LIME1: variants seen among roughly 807,000 people sequenced by gnomAD.
LIME1 encodes the protein lck-interacting transmembrane adapter 1.
A neutral mutation model predicts 18.8 loss-of-function variants in LIME1; 23 were observed. The observed-to-expected ratio is 1.22, with a 90% CI of 0.88 to 1.73. The LOEUF (loss-of-function observed/expected upper bound fraction) is 1.73, where lower values mean the gene tolerates loss of function less well. Ranked by LOEUF, LIME1 falls within the 40% of genes most tolerant of loss-of-function variation. LIME1 has a pLI of 0.00. For synonymous variants in LIME1, 177 were observed against 182.3 expected (o/e 0.97, Z 0.23); for missense variants, 423 against 396.8 (o/e 1.07, Z -0.56).
At chr20:63,735,810 A>T (rs759183936), upstream of LIME1, 1 of 1,611,120 alleles carries the variant, frequency 6.2e-7, no homozygotes, top group South Asian at 1.1e-5. Context: ...CAGCTGCAGG[A>T]GAAGCTGGCA....
At chr20:63,735,719 C>G (rs796446334), upstream of LIME1, 35 of 1,551,702 alleles carry the variant, frequency 2.3e-5, no homozygotes, top group African/African-American at 4.4e-4. Context: ...GCAGTGGGTA[C>G]GGCAGACTGG....
chr20:63,738,355 C>G lies in LIME1; in HGVS notation c.441C>G (p.Asn147Lys), dbSNP rs1299711053. The stretch of plus-strand genomic sequence containing the variant: ...CTGGCCTCGAGGCCACCTATTCCAA[C>G]GTGGGGCTGGCGGCCCTTCCCGGGG... ...GCAGLEATYS[N>K]VGLAALPGVS... The change falls in exon 5 of 6, where the codon AAC becomes AAG. Residue 147 changes from asparagine to lysine, a missense_variant. Asn to Lys is a moderately conservative substitution (Grantham distance 94). Transcript: ENST00000309546. 1 of 1,556,794 alleles carries G rather than the reference C, an allele frequency of 6.4e-7. No homozygotes were observed. Among genetic ancestry groups the G allele is most frequent in the South Asian group, 1.2e-5 (1 of 85,128 alleles).
intron 1 of LIME1, 183 bp downstream of exon 1, chr20:63,736,895 C>A: frequency 1.0e-6 from 1 of 986,032 alleles, no homozygotes; most frequent in Non-Finnish European, 1.2e-6. Flanking sequence ...TGTAAGGCAT[C>A]CCCCACCCCG....
At chr20:63,737,787 A>AGGCCCC in intron 2 of LIME1, 34 bp from the exon 3 acceptor site, 6 of 1,322,732 alleles carry the variant, frequency 4.5e-6, no homozygotes, top group Non-Finnish European at 6.0e-6. Context: ...GAGGCTGACG[A>AGGCCCC]CCCCGCCCCC....
In LIME1 at chr20:63,738,726, C is replaced by T. The variant is rs1316517380; in HGVS notation, c.714C>T (p.Leu238=). 1 of 1,613,022 alleles carries T rather than the reference C, an allele frequency of 6.2e-7. No individual in the cohort carries two copies. The highest frequency in any genetic ancestry group is 1.1e-5 in the South Asian group (1 of 91,084). Residue 238 remains leucine (L), a synonymous_variant, in exon 6 of 6, where the codon CTC becomes CTT. Coordinates refer to ENST00000309546, the MANE Select transcript of LIME1 (RefSeq NM_017806.4). The stretch of plus-strand genomic sequence containing the variant: ...CGGGTGACCTGGCCTACCAGACCCT[C>T]CCGCTCAGGGCCCTGGATGTGGACA... The part of the protein sequence containing the change: ...ALAGDLAYQT[L]PLRALDVDSG...
chr20:63,738,520 G>T, intron 5 of LIME1, 21 bp downstream of exon 5: 1 of 1,509,740 alleles, frequency 6.6e-7, no homozygotes, highest in Non-Finnish European at 8.8e-7. Flanking sequence ...CCAGGGTAGG[G>T]CGCTGTGGGT....
chr20:63,735,983 G>C (rs1443931028), upstream of LIME1: 7 of 1,563,164 alleles, frequency 4.5e-6, no homozygotes, highest in South Asian at 8.4e-5. Flanking sequence ...AGGAAGACCA[G>C]TGTTGCCCGA....
Position 63,738,037 on chromosome 20 carries a change from A to C in LIME1, c.245A>C (p.His82Pro). Residue 82 changes from histidine (H) to proline (P), a missense_variant, in exon 4 of 6, where the codon CAC becomes CCC. Physicochemically the swap from His to Pro is moderately conservative, Grantham distance 77 (BLOSUM62 -2). Transcript: ENST00000309546. ...TCGGACACCAGACTGCACGAGCTGCACCGGGGCCCGCGCAGCAGCAGGGGT... is the reference window on the plus strand; with the variant it reads ...TCGGACACCAGACTGCACGAGCTGCCCCGGGGCCCGCGCAGCAGCAGGGGT... The part of the protein sequence containing the change: ...SKSDTRLHEL[H>P]RGPRSSRALR... The C allele has an allele frequency of 3.9e-6, 6 of 1,536,836 alleles. No individual in the cohort carries two copies. The South Asian group carries it at 4.7e-5, about 12-fold the overall frequency.
Position 63,737,554 on chromosome 20 carries a change from G to A in LIME1, c.5G>A (p.Gly2Glu). 1 of 1,581,098 alleles carries A rather than the reference G, an allele frequency of 6.3e-7. No individual in the cohort carries two copies. Among genetic ancestry groups the A allele is most frequent in the Non-Finnish European group, 8.6e-7 (1 of 1,166,404 alleles). Residue 2 changes from glycine to glutamate, a missense_variant, in exon 2 of 6, where the codon GGG becomes GAG. Transcript: ENST00000309546. ...CCAGGGCCTCGGCTTCACAGGATGG[G>A]GCTGCCAGTGTCCTGGGCCCCTCCT... M[G>E]LPVSWAPPAL...
At chr20:63,736,011 G>C (rs6011070), upstream of LIME1, 6,748 of 1,530,846 alleles carry the variant, frequency 4.4e-3, 255 homozygotes, top group African/African-American at 0.082. Context: ...CCGGCCTGCT[G>C]GCCTGGGGCG....
upstream of LIME1, chr20:63,735,946 C>T (rs374505548): frequency 8.8e-6 from 14 of 1,594,666 alleles, no homozygotes; most frequent in Non-Finnish European, 1.1e-5. Flanking sequence ...ATGGACGAAG[C>T]GTGGGACCCC....
intron 4 of LIME1, 56 bp from the exon 5 acceptor site, chr20:63,738,127 C>A: frequency 1.3e-6 from 2 of 1,525,216 alleles, no homozygotes; most frequent in Non-Finnish European, 1.8e-6. Context: ...AACCCCTGGG[C>A]CAGACCCGCT....
upstream of LIME1, chr20:63,735,904 G>T (rs144346262): frequency 4.8e-4 from 768 of 1,612,526 alleles, 4 homozygotes; most frequent in Non-Finnish European, 1.0e-4. Flanking sequence ...CCCACAAGAA[G>T]ATGACTGAGT....
chr20:63,737,773 A>C, intron 2 of LIME1, 48 bp from the exon 3 acceptor site: 1 of 1,422,052 alleles, frequency 7.0e-7, no homozygotes, highest in East Asian at 2.6e-5. Flanking sequence ...CGGGCCTTGG[A>C]CCCGAGGCTG....
At position 63,738,499 on chromosome 20, in the gene LIME1, GGTAAC is replaced by G; in HGVS notation, c.585+3_585+7del. The G allele has an allele frequency of 8.6e-6, 13 of 1,514,092 alleles. No homozygotes were observed. Among genetic ancestry groups the G allele is most frequent in the Non-Finnish European group, 1.1e-5 (13 of 1,131,608 alleles). The allele number at this position is 1,514,092 out of a possible 1,614,324, so 93.8% of individuals were successfully genotyped here. On this transcript the variant is annotated splice_donor_variant and splice_donor_5th_base_variant and intron_variant, in intron 5 of 5. Transcript: ENST00000309546. LOFTEE classifies it high-confidence loss of function. ...AGACTGAGGTGACCCCGGCCGCTCA[GGTAAC>G]GTGGGCCAGGGTAGGGCGCTGTGGG... is the stretch of plus-strand genomic sequence containing the variant.
At chr20:63,736,002 C>T (rs2091986739), upstream of LIME1, 9 of 1,543,710 alleles carry the variant, frequency 5.8e-6, no homozygotes, top group East Asian at 6.8e-5. Context: ...GAGGAGGGGC[C>T]GGCCTGCTGG....
In LIME1 at chr20:63,738,888, C is replaced by T. The variant is rs754073497; in HGVS notation, c.876C>T (p.Ala292=). Residue 292 remains alanine (A), a synonymous_variant, in exon 6 of 6, where the codon GCC becomes GCT. Transcript: ENST00000309546. ...GGAGGGGCTGGAGACCCCTCCCTGC[C>T]TCCCTGCCCTGAACACTCAAGGACC... The part of the protein sequence containing the change: ...SLGRGWRPLP[A]SLP 5 of 1,601,940 alleles carry T rather than the reference C, an allele frequency of 3.1e-6. No homozygotes were observed. Among genetic ancestry groups the T allele is most frequent in the African/African-American group, 2.7e-5 (2 of 74,522 alleles).
chr20:63,737,002 A>T (rs2091997419), intron 1 of LIME1: 1 of 985,852 alleles, frequency 1.0e-6, no homozygotes, highest in Admixed American at 6.1e-5. Flanking sequence ...TGGGGGCATC[A>T]GCACCCCCAG....
chr20:63,738,092 CG>C, intron 4 of LIME1, 32 bp downstream of exon 4: 1 of 1,032,672 alleles, frequency 9.7e-7, no homozygotes, highest in Non-Finnish European at 1.4e-6. Context: ...GGCGGCCGGG[CG>C]GGGCTTACTG....
Sources: gnomAD v4.1 joint callset for allele counts on GRCh38, gnomAD v4.1.1 for gene constraint, MANE v1.5 for transcripts, NCBI Gene and HGNC (gene_info 2026-07-23, HGNC 2026-07-21) for gene names.